LINGO2: variants seen among roughly 807,000 people sequenced by gnomAD.
LINGO2 encodes the protein leucine-rich repeat and immunoglobulin-like domain-containing nogo receptor-interacting protein 2.
In LINGO2, 14 loss-of-function variants were observed where a neutral mutation model predicts 30.6. That is an observed-to-expected ratio of 0.46 (90% CI 0.30 to 0.72). LINGO2 has a LOEUF of 0.72. Ranked by LOEUF, LINGO2 falls within the 30% of genes least tolerant of loss-of-function variation. The probability of loss-of-function intolerance (pLI) is 0.07; values close to 1 mark genes in which losing one functional copy is unlikely to be tolerated. For synonymous variants in LINGO2, 317 were observed against 288.5 expected, an observed-to-expected ratio of 1.10 and a Z score of -1.00; for missense variants, 729 against 751.7, an observed-to-expected ratio of 0.97 and a Z score of 0.35.
the LINGO2 span, among the ~76,000 whole-genome samples, chr9:28,874,730 A>G: frequency 6.6e-6 from 1 of 152,104 alleles, no homozygotes; most frequent in Non-Finnish European, 1.5e-5. Flanking sequence ...TAGTCTCATT[A>G]TCCTTTCTAG....
chr9:28,212,497 T>C (rs1820626047), intron 4 of LINGO2, among the ~76,000 whole-genome samples: 1 of 151,394 alleles, frequency 6.6e-6, no homozygotes, highest in African/African-American at 2.4e-5. Context: ...ACGATGTACA[T>C]ATGAACTGGA....
At chr9:29,068,682 T>C in the LINGO2 span, among the ~76,000 whole-genome samples, 3 of 151,990 alleles carry the variant, frequency 2.0e-5, no homozygotes, top group South Asian at 6.2e-4. Context: ...ATCGCTTAGT[T>C]AATGGACTTC....
rs372951663 is a variant in LINGO2 at position 28,001,691 on chromosome 9, A to AG, written c.-36+10663dup. Among the ~76,000 whole-genome samples, 1,038 of 141,860 alleles carry AG rather than the reference A, an allele frequency of 7.3e-3. 11 individuals carry two copies. Among genetic ancestry groups the AG allele is most frequent in the African/African-American group, 0.024 (992 of 41,070 alleles). 93.1% of individuals were successfully genotyped at this position (141,860 alleles called of 152,430 possible). A position where few individuals can be genotyped will look rare whatever the true frequency, so the allele number is the denominator to read the frequency against. Reference sequence around the variant, plus strand: ...TTATTTAAAGCAGAGAAGAGAAAGCAGGGGGCAGAAAGGAAAAAAAAAGCA... The same window carrying AG: ...TTATTTAAAGCAGAGAAGAGAAAGCAGGGGGGCAGAAAGGAAAAAAAAAGCA... On this transcript the variant is annotated intron_variant, in intron 5 of 5. Transcript: ENST00000379992.
upstream of LINGO2, among the ~76,000 whole-genome samples, chr9:28,674,635 C>A (rs1563908141): frequency 6.6e-6 from 1 of 152,122 alleles, no homozygotes; most frequent in Non-Finnish European, 1.5e-5. Flanking sequence ...CCAGAGAAAA[C>A]ATATACTATA....
intron 3 of LINGO2, among the ~76,000 whole-genome samples, chr9:28,357,969 T>TTAA (rs1442205151): frequency 1.3e-5 from 2 of 152,118 alleles, no homozygotes; most frequent in Non-Finnish European, 2.9e-5. Context: ...AAAGGGTAAC[T>TTAA]TAATTAAGAC....
chr9:28,818,495 C>T, the LINGO2 span, among the ~76,000 whole-genome samples: 2 of 152,296 alleles, frequency 1.3e-5, no homozygotes, highest in Admixed American at 1.3e-4. Flanking sequence ...AGCAATTCTC[C>T]TGCCTCAGCT....
At chr9:28,368,877 T>A (rs899376470) in intron 3 of LINGO2, among the ~76,000 whole-genome samples, 3 of 152,076 alleles carry the variant, frequency 2.0e-5, no homozygotes, top group Non-Finnish European at 4.4e-5. Flanking sequence ...ATTACAGGCG[T>A]GAGCCACCGT....
chr9:28,233,062 T>A (rs866650765), intron 4 of LINGO2, among the ~76,000 whole-genome samples: 17 of 45,424 alleles, frequency 3.7e-4, no homozygotes, highest in African/African-American at 1.0e-3. Flanking sequence ...ATATATATAT[T>A]AGATATATAA....
chr9:28,674,588 CT>C (rs1198317701), upstream of LINGO2, among the ~76,000 whole-genome samples: 1 of 152,088 alleles, frequency 6.6e-6, no homozygotes, highest in African/African-American at 2.4e-5. Context: ...GATTCTCACA[CT>C]TTATTTCAAG....
the LINGO2 span, among the ~76,000 whole-genome samples, chr9:29,087,641 A>AT: frequency 2.0e-5 from 3 of 151,906 alleles, no homozygotes; most frequent in African/African-American, 4.8e-5. Context: ...TAATCTTTTA[A>AT]TTTTTTTCCC....
rs530390974 is a variant in LINGO2 at position 28,236,993 on chromosome 9, G to A, written c.-87+58215C>T. Reference sequence around the variant, plus strand: ...TTGCATGTCTATACCAGAATATCTCGGGTACCCCATATTTATATACAAGTA... The same window carrying A: ...TTGCATGTCTATACCAGAATATCTCAGGTACCCCATATTTATATACAAGTA... On this transcript the variant is annotated intron_variant, in intron 4 of 5. Coordinates refer to ENST00000379992, the Ensembl canonical transcript of LINGO2. 4.6e-5 allele frequency among the ~76,000 whole-genome samples: 7 copies of A among 151,494 alleles called. No individual in the cohort carries two copies. In the South Asian group the frequency reaches 1.0e-3, roughly 23 times the overall value.
chr9:29,110,857 A>G, the LINGO2 span, among the ~76,000 whole-genome samples: 1 of 146,440 alleles, frequency 6.8e-6, no homozygotes. Context: ...CGCCCAGCTA[A>G]TTTTTGTATT....
the LINGO2 span, among the ~76,000 whole-genome samples, chr9:28,807,079 C>T: frequency 1.3e-5 from 2 of 151,786 alleles, no homozygotes; most frequent in African/African-American, 4.8e-5. Context: ...GGCTGGAGTG[C>T]AGTGGCGCAA....
At chr9:28,842,348 C>G in the LINGO2 span, among the ~76,000 whole-genome samples, 1 of 151,804 alleles carries the variant, frequency 6.6e-6, no homozygotes, top group Admixed American at 6.5e-5. Context: ...GTTTGTAACA[C>G]TAAGTTATTA....
At chr9:28,951,951 C>A in the LINGO2 span, among the ~76,000 whole-genome samples, 1 of 152,144 alleles carries the variant, frequency 6.6e-6, no homozygotes, top group African/African-American at 2.4e-5. Flanking sequence ...AAATGCTCAA[C>A]ATCACTGATC....
chr9:28,092,602 T>A (rs960670790), intron 4 of LINGO2, among the ~76,000 whole-genome samples: 23 of 151,428 alleles, frequency 1.5e-4, no homozygotes, highest in Non-Finnish European at 3.4e-4. Context: ...ATGTAAATGA[T>A]GAGTTAATGG....
chr9:29,077,619 T>G, the LINGO2 span, among the ~76,000 whole-genome samples: 1 of 151,982 alleles, frequency 6.6e-6, no homozygotes, highest in Admixed American at 6.6e-5. Context: ...TTTAGTTATG[T>G]TTTAACAAAG....
chr9:28,149,147 A>C lies in LINGO2; in HGVS notation c.-86-136742T>G, dbSNP rs1827907185. On this transcript the variant is annotated intron_variant, in intron 4 of 5. Coordinates refer to ENST00000379992, the Ensembl canonical transcript of LINGO2. Reference sequence around the variant, plus strand: ...CATGTGTAAGAACATGAGGGTGTTAAGTAGAACATCAAAATTCAGGAGAGT... The same window carrying C: ...CATGTGTAAGAACATGAGGGTGTTACGTAGAACATCAAAATTCAGGAGAGT... 4.1e-6 allele frequency: 6 copies of C among 1,453,252 alleles called. No homozygotes were observed. The South Asian group carries it at 6.1e-5, about 15-fold the overall frequency. The allele number at this position is 1,453,252 out of a possible 1,614,324, so 90.0% of individuals were successfully genotyped here. A position where few individuals can be genotyped will look rare whatever the true frequency, so the allele number is the denominator to read the frequency against.
At chr9:28,604,144 C>T (rs1309715838) in intron 1 of LINGO2, among the ~76,000 whole-genome samples, 1 of 151,946 alleles carries the variant, frequency 6.6e-6, no homozygotes, top group Admixed American at 6.6e-5. Flanking sequence ...CAATGTGCTA[C>T]CCAAACTCAC....
Sources: gnomAD v4.1 joint callset for allele counts (sites outside exome capture counted in the v4.1 genomes callset) on GRCh38, gnomAD v4.1.1 for gene constraint, MANE v1.5 for transcripts, NCBI Gene and HGNC (gene_info 2026-07-23, HGNC 2026-07-21) for gene names.